Variants in IFNLR1 observed in about 807,000 individuals in gnomAD.
IFNLR1 encodes the protein interferon lambda receptor 1, also known as CRF2-12.
Under a neutral mutation model 52.5 loss-of-function variants are expected in IFNLR1, and 28 were observed. The ratio of observed to expected loss-of-function variants is 0.53; its 90% confidence interval spans 0.40 to 0.73. The LOEUF is 0.73. IFNLR1 is among the 30% of genes least tolerant of loss of function. The pLI, the probability that IFNLR1 is intolerant of heterozygous loss-of-function variation, is 0.00. For missense variants in IFNLR1, 623 were observed against 659.1 expected (o/e 0.95, Z 0.60); for synonymous variants, 276 against 274.9 (o/e 1.00, Z -0.04).
intron 2 of IFNLR1, among the ~76,000 whole-genome samples, chr1:24,178,950 C>T (rs4233055): frequency 1 from 151,829 of 152,198 alleles, 75,731 homozygotes; most frequent in South Asian, 1. Flanking sequence ...AGAGGATAGA[C>T]TTTCTTTCTT....
chr1:24,161,250 A>G, intron 4 of IFNLR1: 4 of 563,516 alleles, frequency 7.1e-6, no homozygotes, highest in Non-Finnish European at 9.5e-6. Context: ...CTGAAATTGG[A>G]TATACACCAG....
At chr1:24,174,157 C>T (rs1170641490) in intron 2 of IFNLR1, among the ~76,000 whole-genome samples, 1 of 152,146 alleles carries the variant, frequency 6.6e-6, no homozygotes, top group Non-Finnish European at 1.5e-5. Flanking sequence ...GAAAAAGCCA[C>T]GTGAGGACAC....
intron 4 of IFNLR1, 68 bp downstream of exon 4, chr1:24,161,474 G>C: frequency 6.5e-7 from 1 of 1,533,860 alleles, no homozygotes; most frequent in Admixed American, 2.0e-5. Flanking sequence ...CTGGGAGGGT[G>C]AGAAGAACCT....
At chr1:24,187,091 C>A (rs1644746206) in intron 1 of IFNLR1, 100 bp downstream of exon 1, 2 of 737,950 alleles carry the variant, frequency 2.7e-6, no homozygotes, top group African/African-American at 1.9e-5. Flanking sequence ...CGGGTGGCTG[C>A]GGACCCCGTG....
chr1:24,175,795 G>A (rs61772901), intron 2 of IFNLR1, among the ~76,000 whole-genome samples: 2,028 of 152,208 alleles, frequency 0.013, 31 homozygotes, highest in South Asian at 0.033. Context: ...TTAGCCAGGC[G>A]TGGTGGCGCA....
chr1:24,157,290 G>C lies in IFNLR1; in HGVS notation c.1403C>G (p.Ser468Cys), dbSNP rs1169516182. ...PNLVPGGPPVSLQTLTFCWES... is the reference protein window; with the variant it reads ...PNLVPGGPPVCLQTLTFCWES... ...CCAGCAGAAGGTCAGTGTCTGAAGA[G>C]AAACTGGGGGTCCCCCAGGGACCAG... Residue 468 changes from serine (S) to cysteine (C), a missense_variant, in exon 7 of 7, where the codon TCT becomes TGT. Ser to Cys is a moderately radical substitution (Grantham distance 112). Transcript: ENST00000327535. The surrounding 1 kb of genome is among the most constrained non-coding windows in gnomAD (Gnocchi z 5.1). The C allele has an allele frequency of 1.2e-6, 2 of 1,614,208 alleles. No individual in the cohort carries two copies. Among genetic ancestry groups the C allele is most frequent in the East Asian group, 4.5e-5 (2 of 44,864 alleles).
chr1:24,166,802 C>T (rs1644525126), intron 3 of IFNLR1, among the ~76,000 whole-genome samples: 2 of 152,066 alleles, frequency 1.3e-5, no homozygotes, highest in South Asian at 4.2e-4. Context: ...ATCTGCCTAC[C>T]TCATCCTCAA....
chr1:24,181,292 A>C (rs1644688445), intron 1 of IFNLR1, among the ~76,000 whole-genome samples: 1 of 152,228 alleles, frequency 6.6e-6, no homozygotes, highest in Non-Finnish European at 1.5e-5. Flanking sequence ...CCTTGCTTCC[A>C]ACCTTGTGTA....
intron 2 of IFNLR1, among the ~76,000 whole-genome samples, chr1:24,177,495 AG>A (rs1412310608): frequency 1.3e-5 from 2 of 152,202 alleles, no homozygotes; most frequent in African/African-American, 4.8e-5. Flanking sequence ...CCCGCACGGG[AG>A]AAAGAAGGAA....
chr1:24,163,512 C>G (rs1644486087), intron 3 of IFNLR1, among the ~76,000 whole-genome samples: 2 of 152,036 alleles, frequency 1.3e-5, no homozygotes, highest in Admixed American at 6.6e-5. Context: ...GGGCAGAGCA[C>G]CTTTAGAGGA....
chr1:24,180,947 G>T (rs6665649), intron 1 of IFNLR1, 93 bp from the exon 2 acceptor site: 1 of 1,349,106 alleles, frequency 7.4e-7, no homozygotes, highest in Non-Finnish European at 1.0e-6. Flanking sequence ...AGGGCAAGCA[G>T]GTGCTCACTG....
chr1:24,161,501 A>T (rs1250360798), intron 4 of IFNLR1, 41 bp downstream of exon 4: 2 of 1,552,022 alleles, frequency 1.3e-6, no homozygotes, highest in Admixed American at 2.0e-5. Context: ...GAAGGGGTGG[A>T]GGAGCGGGCC....
At chr1:24,177,719 A>G (rs931786067) in intron 2 of IFNLR1, among the ~76,000 whole-genome samples, 3 of 152,210 alleles carry the variant, frequency 2.0e-5, no homozygotes, top group African/African-American at 7.2e-5. Flanking sequence ...CTTCAACCCA[A>G]TTAAGTTGAC....
At chr1:24,183,584 A>T (rs1437531997) in intron 1 of IFNLR1, among the ~76,000 whole-genome samples, 1 of 152,212 alleles carries the variant, frequency 6.6e-6, no homozygotes, top group African/African-American at 2.4e-5. Context: ...TGTCTCTACG[A>T]AACAGACAAA....
chr1:24,162,786 CTTT>C (rs1251743381), intron 3 of IFNLR1, among the ~76,000 whole-genome samples: 2,645 of 61,170 alleles, frequency 0.043, 285 homozygotes, highest in Admixed American at 0.054. Context: ...CTTTTTCTTT[CTTT>C]TTCTTTCTTT....
At chr1:24,185,342 G>T (rs111302953) in intron 1 of IFNLR1, among the ~76,000 whole-genome samples, 1 of 152,052 alleles carries the variant, frequency 6.6e-6, no homozygotes, top group Non-Finnish European at 1.5e-5. Flanking sequence ...TGACCACTAC[G>T]AGTCAAACAA....
At chr1:24,175,730 C>A (rs1644624930) in intron 2 of IFNLR1, among the ~76,000 whole-genome samples, 1 of 152,044 alleles carries the variant, frequency 6.6e-6, no homozygotes, top group African/African-American at 2.4e-5. Context: ...GTCAGGAGTT[C>A]AAGACCAGCC....
At chr1:24,180,470 C>T (rs889698472) in intron 2 of IFNLR1, among the ~76,000 whole-genome samples, 2 of 152,076 alleles carry the variant, frequency 1.3e-5, no homozygotes, top group Non-Finnish European at 2.9e-5. Flanking sequence ...TACATCCATG[C>T]CCCACACCAA....
intron 4 of IFNLR1, among the ~76,000 whole-genome samples, chr1:24,160,366 A>G (rs1411521793): frequency 6.6e-6 from 1 of 152,382 alleles, no homozygotes; most frequent in Middle Eastern, 3.4e-3. Context: ...GACGTAGTGA[A>G]AAAGAATGTA....
Sources: allele counts gnomAD v4.1 joint callset (sites outside exome capture counted in the v4.1 genomes callset), GRCh38; gene constraint gnomAD v4.1.1; non-coding constraint Gnocchi (gnomAD v3.1); transcripts MANE v1.5; gene names NCBI Gene and HGNC (gene_info 2026-07-23, HGNC 2026-07-21).